CCBE1: variants seen among roughly 807,000 people sequenced by gnomAD.
CCBE1 encodes collagen and calcium-binding EGF domain-containing protein 1.
In CCBE1, 37 loss-of-function variants were observed where a neutral mutation model predicts 50.0. The ratio of observed to expected loss-of-function variants is 0.74; its 90% confidence interval spans 0.57 to 0.97. The LOEUF is 0.97. Ranked by LOEUF, CCBE1 falls within the 50% of genes least tolerant of loss-of-function variation. CCBE1 has a pLI of 0.00. For missense variants in CCBE1, 538 were observed against 523.8 expected (o/e 1.03, Z -0.26); for synonymous variants, 234 against 203.7 (o/e 1.15, Z -1.27).
chr18:59,466,510 T>G (rs566455516), intron 5 of CCBE1, among the ~76,000 whole-genome samples: 1 of 152,098 alleles, frequency 6.6e-6, no homozygotes, highest in East Asian at 1.9e-4. Context: ...GAGAACGAAC[T>G]TATACAATAA....
chr18:59,485,840 A>G (rs2143789692), intron 2 of CCBE1, among the ~76,000 whole-genome samples: 1 of 150,932 alleles, frequency 6.6e-6, no homozygotes, highest in East Asian at 2.0e-4. Flanking sequence ...ACCTCAGGTG[A>G]TCCGCCCGCC....
At chr18:59,608,964 C>T (rs2053536334) in intron 2 of CCBE1, among the ~76,000 whole-genome samples, 1 of 152,334 alleles carries the variant, frequency 6.6e-6, no homozygotes, top group Admixed American at 6.5e-5. Flanking sequence ...ACTTACACAG[C>T]TCTCCTGAAG....
intron 2 of CCBE1, among the ~76,000 whole-genome samples, chr18:59,635,902 C>T (rs1248951381): frequency 6.6e-6 from 1 of 152,082 alleles, no homozygotes; most frequent in Non-Finnish European, 1.5e-5. Context: ...TAGCTCATGC[C>T]TGTGATCCCA....
chr18:59,557,851 C>CA (rs1190811671), intron 2 of CCBE1, among the ~76,000 whole-genome samples: 2 of 152,138 alleles, frequency 1.3e-5, no homozygotes, highest in Non-Finnish European at 2.9e-5. Context: ...ATTCTTTGTT[C>CA]AAAACACCAA....
At chr18:59,590,488 A>T (rs1380416322) in intron 2 of CCBE1, among the ~76,000 whole-genome samples, 5 of 151,906 alleles carry the variant, frequency 3.3e-5, no homozygotes, top group African/African-American at 1.2e-4. Flanking sequence ...AAAATATCAA[A>T]TTTTTGTTTT....
At chr18:59,694,785 C>G (rs1025370393) in intron 2 of CCBE1, among the ~76,000 whole-genome samples, 1 of 152,222 alleles carries the variant, frequency 6.6e-6, no homozygotes, top group Non-Finnish European at 1.5e-5. Flanking sequence ...GAACTCTCGA[C>G]TTCCATAGAG....
chr18:59,658,891 A>AAAAAC (rs1555704918), intron 2 of CCBE1, among the ~76,000 whole-genome samples: 1 of 150,842 alleles, frequency 6.6e-6, no homozygotes, highest in Non-Finnish European at 1.5e-5. Flanking sequence ...AAAAAAAAAA[A>AAAAAC]AAAAAAAAAA....
chr18:59,581,758 G>A (rs1213558744), intron 2 of CCBE1, among the ~76,000 whole-genome samples: 1 of 152,148 alleles, frequency 6.6e-6, no homozygotes, highest in Admixed American at 6.5e-5. Flanking sequence ...ACTGTAGGAT[G>A]GTTAGCAGCA....
intron 2 of CCBE1, among the ~76,000 whole-genome samples, chr18:59,602,750 A>G (rs1168311707): frequency 1.3e-5 from 2 of 152,210 alleles, no homozygotes; most frequent in Non-Finnish European, 2.9e-5. Flanking sequence ...AGAGGACCCC[A>G]CAGAGAGAAG....
rs117284433 is a variant in CCBE1, at chr18:59,511,199, C to T, written c.213-30961G>A. Among the ~76,000 whole-genome samples, 450 of 152,328 alleles carry T rather than the reference C, an allele frequency of 3.0e-3. 6 individuals are homozygous for T. Among genetic ancestry groups the T allele is most frequent in the East Asian group, 0.018 (95 of 5,186 alleles). ...ACTGGCAACTATACCCTAACTGGTG[C>T]CTAACTAACTGCCAATAAAAACACA... On this transcript the variant is annotated intron_variant, in intron 2 of 10. Transcript: ENST00000439986.
chr18:59,562,817 C>T (rs1422453660), intron 2 of CCBE1, among the ~76,000 whole-genome samples: 2 of 152,178 alleles, frequency 1.3e-5, no homozygotes, highest in Admixed American at 6.5e-5. Flanking sequence ...GCCTCCCTCA[C>T]ATGTTGTGGC....
chr18:59,509,707 C>T (rs1231790190), intron 2 of CCBE1, among the ~76,000 whole-genome samples: 2 of 152,164 alleles, frequency 1.3e-5, no homozygotes, highest in Non-Finnish European at 1.5e-5. Context: ...CATCTTCATA[C>T]AGGAGGGAAC....
At chr18:59,468,898 C>T (rs1598927058) in intron 4 of CCBE1, among the ~76,000 whole-genome samples, 1 of 151,394 alleles carries the variant, frequency 6.6e-6, no homozygotes, top group Non-Finnish European at 1.5e-5. Context: ...TATGAACTGA[C>T]CACACTTTCA....
At chr18:59,685,629 G>T (rs148470331) in intron 2 of CCBE1, among the ~76,000 whole-genome samples, 363 of 152,340 alleles carry the variant, frequency 2.4e-3, no homozygotes, top group African/African-American at 8.3e-3. Flanking sequence ...ACCACCTCCA[G>T]AGTTTCTGGC....
chr18:59,527,683 G>A (rs1914882022), intron 2 of CCBE1, among the ~76,000 whole-genome samples: 4 of 152,126 alleles, frequency 2.6e-5, no homozygotes, highest in Admixed American at 2.6e-4. Context: ...GCCTTGTGGT[G>A]ACAAATTCTC....
rs57978172 is a variant in CCBE1, at chr18:59,638,816, C to T, written c.212+57813G>A. On this transcript the variant is annotated intron_variant, in intron 2 of 10. Transcript: ENST00000439986. ...ATTTATAATATTAAAATTAGGTTTT[C>T]GGAGTAAGTCTAGCAAAAGACATGC... Among the ~76,000 whole-genome samples, 17 of 152,028 alleles carry T rather than the reference C, an allele frequency of 1.1e-4. No individual in the cohort carries two copies. In the East Asian group the frequency reaches 1.5e-3, roughly 14 times the overall value.
chr18:59,522,370 C>T lies in CCBE1; in HGVS notation c.213-42132G>A, dbSNP rs552014120. Among the ~76,000 whole-genome samples, 3 of 152,188 alleles carry T rather than the reference C, an allele frequency of 2.0e-5. No individual in the cohort carries two copies. In the South Asian group the frequency reaches 6.2e-4, roughly 32 times the overall value. ...AGTTTCTATAGCATGTTTCTGGTCA[C>T]AAAAACATCAAACTTCTAAGTAAAG... On this transcript the variant is annotated intron_variant, in intron 2 of 10. Transcript: ENST00000439986.
chr18:59,649,962 G>A (rs1222154610), intron 2 of CCBE1, among the ~76,000 whole-genome samples: 1 of 152,062 alleles, frequency 6.6e-6, no homozygotes, highest in East Asian at 1.9e-4. Context: ...AGGAGGGAGG[G>A]GTCCCAGACA....
Position 59,435,419 on chromosome 18 carries a change from G to T in CCBE1, c.*489C>A, listed in dbSNP as rs193200245. The T allele has an allele frequency of 6.0e-6, 1 of 167,662 alleles. No individual in the cohort carries two copies. Among genetic ancestry groups the T allele is most frequent in the African/African-American group, 2.4e-5 (1 of 41,620 alleles). The allele number at this position is 167,662 out of a possible 1,614,324, so 10.4% of individuals were successfully genotyped here. ...ATTCTCCACCAAAGCACATCGACAC[G>T]TTTGTCCTCCCCACCCCTTTTTAAC... On this transcript the variant is annotated 3_prime_UTR_variant, in exon 11 of 11. Coordinates refer to ENST00000439986, the MANE Select transcript of CCBE1 (RefSeq NM_133459.4).
Sources: allele counts gnomAD v4.1 joint callset (sites outside exome capture counted in the v4.1 genomes callset), GRCh38; gene constraint gnomAD v4.1.1; transcripts MANE v1.5; gene names NCBI Gene and HGNC (gene_info 2026-07-23, HGNC 2026-07-21).